TBC1D1: variants seen among roughly 807,000 people sequenced by gnomAD.
The protein encoded by TBC1D1 is TBC1 (tre-2/USP6, BUB2, cdc16) domain family, member 1.
TBC1D1 carries 89 observed loss-of-function variants against 125.6 expected under a neutral mutation model. The ratio of observed to expected loss-of-function variants is 0.71; its 90% confidence interval spans 0.60 to 0.85. TBC1D1 has a LOEUF of 0.85. Among genes scored for constraint, TBC1D1 ranks in the 40% least tolerant of loss-of-function variants. The probability of loss-of-function intolerance (pLI) is 0.00; values close to 1 mark genes in which losing one functional copy is unlikely to be tolerated. For missense variants in TBC1D1, 1,377 were observed against 1,469.2 expected (o/e 0.94, Z 1.03); for synonymous variants, 565 against 564.1 (o/e 1.00, Z -0.02).
Position 38,014,734 on chromosome 4 carries a change from A to G in TBC1D1, c.643A>G (p.Asn215Asp), listed in dbSNP as rs566780564. The change falls in exon 3 of 20, where the codon AAC becomes GAC. Residue 215 changes from asparagine to aspartate, a missense_variant. By Grantham distance (23) the Asn-to-Asp change is conservative (BLOSUM62 1). Around this residue, in one of 3 missense-constraint regions of TBC1D1, gnomAD observed 822 missense variants for 824.6 expected, o/e 1.00. Coordinates refer to ENST00000261439, the MANE Select transcript of TBC1D1 (RefSeq NM_015173.4). The surrounding 1 kb of genome is among the most constrained non-coding windows in gnomAD (Gnocchi z 5.1). ...CCGGGGGTCCGAGAGCCCCCGCCCCAACCCGCCCCATGCCGCGCCCACAGG... is the reference window on the plus strand; with the variant it reads ...CCGGGGGTCCGAGAGCCCCCGCCCCGACCCGCCCCATGCCGCGCCCACAGG... 1 of 837,784 alleles carries G rather than the reference A, an allele frequency of 1.2e-6. No homozygotes were observed. The highest frequency in any genetic ancestry group is 1.8e-5 in the African/African-American group (1 of 57,118). The allele number at this position is 837,784 out of a possible 1,614,324, so 51.9% of individuals were successfully genotyped here.
In TBC1D1 at chr4:37,983,900, G is replaced by A. The variant is rs111271909; in HGVS notation, c.418-30609G>A. Among the ~76,000 whole-genome samples the A allele has an allele frequency of 7.6e-3, 1,149 of 152,180 alleles. 13 individuals carry two copies. The highest frequency in any genetic ancestry group is 0.026 in the African/African-American group (1,093 of 41,524). The stretch of plus-strand genomic sequence containing the variant: ...ATTGCCCTACCAGTCCTCTGTGATC[G>A]ATTCATCCCTCCCTTCCTATAAGCC... On this transcript the variant is annotated intron_variant, in intron 2 of 19. Transcript: ENST00000261439.
In TBC1D1 at chr4:37,994,332, C is replaced by T. The variant is rs1388897029; in HGVS notation, c.418-20177C>T. Among the ~76,000 whole-genome samples, 5 of 152,118 alleles carry T rather than the reference C, an allele frequency of 3.3e-5. No homozygotes were observed. The East Asian group carries it at 7.7e-4, about 23-fold the overall frequency. Reference sequence around the variant, plus strand: ...TTGAGACGAGGTCTTGCTCTGTCACCTGGATGAAGTGCAGTGGCACAGTCT... The same window carrying T: ...TTGAGACGAGGTCTTGCTCTGTCACTTGGATGAAGTGCAGTGGCACAGTCT... On this transcript the variant is annotated intron_variant, in intron 2 of 19. Coordinates refer to ENST00000261439, the MANE Select transcript of TBC1D1 (RefSeq NM_015173.4).
intron 11 of TBC1D1, among the ~76,000 whole-genome samples, chr4:38,051,569 T>G (rs1312564991): frequency 1.3e-5 from 2 of 152,216 alleles, no homozygotes; most frequent in Non-Finnish European, 1.5e-5. Context: ...GGCCAAGAGT[T>G]CAAGGTCACA....
chr4:37,944,301 C>A (rs1050855053), intron 2 of TBC1D1, among the ~76,000 whole-genome samples: 1 of 152,194 alleles, frequency 6.6e-6, no homozygotes, highest in African/African-American at 2.4e-5. Context: ...CTTGAGGAGG[C>A]AGTCTGTCCG....
At chr4:38,064,355 G>T (rs909033928) in intron 12 of TBC1D1, among the ~76,000 whole-genome samples, 1 of 152,112 alleles carries the variant, frequency 6.6e-6, no homozygotes, top group Non-Finnish European at 1.5e-5. Context: ...CTCCAGGGGG[G>T]CCTTACCTGT....
At chr4:37,962,027 G>A (rs539359808) in intron 2 of TBC1D1, among the ~76,000 whole-genome samples, 52 of 152,318 alleles carry the variant, frequency 3.4e-4, no homozygotes, top group Non-Finnish European at 6.9e-4. Flanking sequence ...AAATATTTGA[G>A]AATTTACTTG....
At chr4:38,131,042 G>A (rs1208064870) in intron 18 of TBC1D1, among the ~76,000 whole-genome samples, 1 of 152,174 alleles carries the variant, frequency 6.6e-6, no homozygotes, top group African/African-American at 2.4e-5. Flanking sequence ...GCCATGGTTT[G>A]GGGTAAATTC....
At chr4:38,100,284 G>A (rs1760075440) in intron 14 of TBC1D1, among the ~76,000 whole-genome samples, 1 of 152,214 alleles carries the variant, frequency 6.6e-6, no homozygotes, top group Non-Finnish European at 1.5e-5. Context: ...TTCTCTCAGT[G>A]TTCTGGAGGC....
chr4:37,892,560 T>G (rs1056904377), intron 1 of TBC1D1, among the ~76,000 whole-genome samples: 1 of 152,132 alleles, frequency 6.6e-6, no homozygotes, highest in Non-Finnish European at 1.5e-5. Flanking sequence ...AATAATTTCT[T>G]TCCTGTGGAT....
chr4:37,954,977 G>C (rs1310372165), intron 2 of TBC1D1, among the ~76,000 whole-genome samples: 1 of 148,120 alleles, frequency 6.8e-6, no homozygotes, highest in Non-Finnish European at 1.5e-5. Context: ...CTTAGCAGTA[G>C]ATTTTTTTAA....
chr4:38,104,594 A>G (rs1760944686), intron 15 of TBC1D1, among the ~76,000 whole-genome samples: 2 of 152,166 alleles, frequency 1.3e-5, no homozygotes, highest in South Asian at 4.1e-4. Flanking sequence ...TCCACAGAAC[A>G]CACAGTGCTT....
At chr4:37,919,374 G>A (rs1313116008) in intron 2 of TBC1D1, among the ~76,000 whole-genome samples, 2 of 149,334 alleles carry the variant, frequency 1.3e-5, no homozygotes, top group African/African-American at 2.5e-5. Flanking sequence ...TAATATAGAC[G>A]AGGGTTTCAC....
chr4:37,993,326 A>G (rs1330164185), intron 2 of TBC1D1, among the ~76,000 whole-genome samples: 4 of 152,224 alleles, frequency 2.6e-5, no homozygotes, highest in Non-Finnish European at 5.9e-5. Context: ...AAAGGAGAGA[A>G]TTACATTAGT....
chr4:38,085,687 C>T (rs544828906), intron 12 of TBC1D1, among the ~76,000 whole-genome samples: 19 of 152,304 alleles, frequency 1.2e-4, no homozygotes, highest in South Asian at 8.3e-4. Flanking sequence ...GGAGAGAAGC[C>T]GGATCCCTGG....
intron 2 of TBC1D1, among the ~76,000 whole-genome samples, chr4:37,976,397 G>A (rs1405215608): frequency 6.6e-6 from 1 of 152,234 alleles, no homozygotes; most frequent in Non-Finnish European, 1.5e-5. Context: ...GTTGTTTGTG[G>A]TTTTAAGCTT....
Position 38,069,311 on chromosome 4 carries a change from A to C in TBC1D1, c.2050+14973A>C, listed in dbSNP as rs570326440. On this transcript the variant is annotated intron_variant, in intron 12 of 19. Coordinates refer to ENST00000261439, the MANE Select transcript of TBC1D1 (RefSeq NM_015173.4). ...CTTCTCGCCTGTTTAATCAGGTTTC[A>C]GCTCCTTGTGAGAGGAAGTTGTTTT... is the stretch of plus-strand genomic sequence containing the variant. 9.2e-5 allele frequency among the ~76,000 whole-genome samples: 14 copies of C among 152,152 alleles called. 1 individual carries two copies. The highest frequency in any genetic ancestry group is 2.9e-4 in the African/African-American group (12 of 41,442).
At chr4:38,112,121 A>C (rs1159571585) in intron 15 of TBC1D1, 1 of 973,164 alleles carries the variant, frequency 1.0e-6, no homozygotes, top group Non-Finnish European at 1.2e-6. Flanking sequence ...AGAGATTTGA[A>C]AGTGTGGGGT....
At chr4:38,051,723 C>T (rs1295037659) in intron 11 of TBC1D1, among the ~76,000 whole-genome samples, 176 bp from the exon 12 acceptor site, 1 of 152,166 alleles carries the variant, frequency 6.6e-6, no homozygotes, top group African/African-American at 2.4e-5. Flanking sequence ...TGAAAACTAC[C>T]TTTGCCAGAG....
chr4:37,915,637 A>G (rs1212611264), intron 2 of TBC1D1, among the ~76,000 whole-genome samples: 1 of 152,224 alleles, frequency 6.6e-6, no homozygotes, highest in Non-Finnish European at 1.5e-5. Context: ...CTTCACAGAC[A>G]TACCCCAGAA....
Sources: allele counts gnomAD v4.1 joint callset (sites outside exome capture counted in the v4.1 genomes callset), GRCh38; gene constraint gnomAD v4.1.1; regional missense constraint gnomAD v4.1.1; non-coding constraint Gnocchi (gnomAD v3.1); transcripts MANE v1.5; gene names NCBI Gene and HGNC (gene_info 2026-07-23, HGNC 2026-07-21).